PRKDC: variants seen among roughly 807,000 people sequenced by gnomAD.
The protein encoded by PRKDC is DNA-dependent protein kinase catalytic subunit.
PRKDC carries 82 observed loss-of-function variants against 486.9 expected under a neutral mutation model. The ratio of observed to expected loss-of-function variants is 0.17; its 90% confidence interval spans 0.14 to 0.20. The LOEUF (loss-of-function observed/expected upper bound fraction) is 0.20, where lower values mean the gene tolerates loss of function less well. Ranked by LOEUF, PRKDC falls within the 10% of genes least tolerant of loss-of-function variation. The pLI is 1.00. For missense variants in PRKDC, 4,504 were observed against 5,038.2 expected, an observed-to-expected ratio of 0.89 and a Z score of 3.21; for synonymous variants, 1,895 against 1,837.0, an observed-to-expected ratio of 1.03 and a Z score of -0.81.
intron 25 of PRKDC, among the ~76,000 whole-genome samples, chr8:47,911,722 A>G (rs1364762564): frequency 6.6e-6 from 1 of 152,132 alleles, no homozygotes; most frequent in East Asian, 1.9e-4. Context: ...ATTTGTCCAT[A>G]AAGTCATAGT....
chr8:47,863,013 A>T (rs1411178544), intron 42 of PRKDC, among the ~76,000 whole-genome samples: 1 of 152,240 alleles, frequency 6.6e-6, no homozygotes, highest in East Asian at 1.9e-4. Context: ...TTACTTTTGT[A>T]TTGTTTAGAA....
At chr8:47,918,116 C>T (rs751551876) in intron 22 of PRKDC, among the ~76,000 whole-genome samples, 161 bp downstream of exon 22, 14 of 152,146 alleles carry the variant, frequency 9.2e-5, no homozygotes, top group Non-Finnish European at 1.9e-4. Context: ...TACAGGTGTG[C>T]GCCACCATGC....
rs530842546 is a variant in PRKDC, at chr8:47,887,644, G to A, written c.4475C>T (p.Ala1492Val). ...ELLSLVYKGI[A>V]PGDERQCLPS... ...CAGACACTGTCTCTCATCTCCAGGG[G>A]CAATGCCTTTATAAACCAGGGAAAG... The change falls in exon 35 of 86, where the codon GCC (alanine) becomes GTC (valine). Residue 1492 changes from alanine (A) to valine (V), a missense_variant. Around this residue, in one of 6 missense-constraint regions of PRKDC, gnomAD observed 1,969 missense variants for 2,068.9 expected, o/e 0.95. Coordinates refer to ENST00000314191, the MANE Select transcript of PRKDC (RefSeq NM_006904.7). The A allele has an allele frequency of 6.2e-7, 1 of 1,608,654 alleles. No homozygotes were observed. Among genetic ancestry groups the A allele is most frequent in the Non-Finnish European group, 8.5e-7 (1 of 1,177,574 alleles).
intron 11 of PRKDC, among the ~76,000 whole-genome samples, chr8:47,938,025 G>T (rs889075943): frequency 6.6e-6 from 1 of 152,146 alleles, no homozygotes; most frequent in Non-Finnish European, 1.5e-5. Flanking sequence ...TAAGGCAGCA[G>T]GATTGCTTAG....
rs377185618 is a variant in PRKDC at position 47,776,799 on chromosome 8, G to C, written c.12182+45C>G. Reference sequence around the variant, plus strand: ...TATGTTGGCTCCTCGAGAAACAGTAGCATGTCGGTAGTCCGTTAGTTTTTT... The same window carrying C: ...TATGTTGGCTCCTCGAGAAACAGTACCATGTCGGTAGTCCGTTAGTTTTTT... On this transcript the variant is annotated intron_variant, in intron 85 of 85. Coordinates refer to ENST00000314191, the MANE Select transcript of PRKDC (RefSeq NM_006904.7). 2.5e-6 allele frequency: 4 copies of C among 1,606,674 alleles called. No homozygotes were observed. The African/African-American group carries it at 5.4e-5, about 22-fold the overall frequency.
chr8:47,805,757 G>A (rs888582492), intron 69 of PRKDC, among the ~76,000 whole-genome samples: 7 of 152,042 alleles, frequency 4.6e-5, no homozygotes, highest in Admixed American at 6.6e-5. Flanking sequence ...CCTAATTACT[G>A]CCATTTCAAC....
At chr8:47,891,276 G>C (rs1171115028) in intron 31 of PRKDC, among the ~76,000 whole-genome samples, 1 of 152,156 alleles carries the variant, frequency 6.6e-6, no homozygotes, top group Admixed American at 6.5e-5. Context: ...CAATTGAGTA[G>C]GAAAGCCTTT....
chr8:47,942,359 G>A (rs894945921), intron 10 of PRKDC, among the ~76,000 whole-genome samples: 1 of 152,206 alleles, frequency 6.6e-6, no homozygotes, highest in African/African-American at 2.4e-5. Flanking sequence ...GGAGACTAAG[G>A]AGGCGAGAGG....
chr8:47,930,600 G>A, intron 17 of PRKDC, 72 bp downstream of exon 17: 3 of 1,417,460 alleles, frequency 2.1e-6, no homozygotes, highest in Non-Finnish European at 2.9e-6. Flanking sequence ...ATCTATATAA[G>A]GAATTTCCTA....
rs763433546 is a variant in PRKDC, at chr8:47,776,887, C to A, written c.12139G>T (p.Ala4047Ser). The change falls in exon 85 of 86, where the codon GCT becomes TCT. Residue 4047 changes from alanine to serine, a missense_variant. Ala to Ser is a moderately conservative substitution (Grantham distance 99). This residue lies in a region of PRKDC where 706 missense variants were observed against 945.0 expected (regional missense o/e 0.75). Coordinates refer to ENST00000314191, the MANE Select transcript of PRKDC (RefSeq NM_006904.7). ...NWYPRQKICYAKRKLAGANPA... is the reference protein window; with the variant it reads ...NWYPRQKICYSKRKLAGANPA... The stretch of plus-strand genomic sequence containing the variant: ...TTGGCACCTGCTAACTTTCTCTTAG[C>A]GTAACATATTTTCTGTCGGGGGTAC... 4.3e-6 allele frequency: 7 copies of A among 1,613,868 alleles called. No individual in the cohort carries two copies. In the East Asian group the frequency reaches 1.6e-4, roughly 36 times the overall value.
intron 84 of PRKDC, 111 bp downstream of exon 84, chr8:47,777,575 A>G: frequency 8.7e-7 from 1 of 1,150,490 alleles, no homozygotes; most frequent in Non-Finnish European, 1.2e-6. Context: ...AAAATAATGT[A>G]AATATTTTCA....
intron 6 of PRKDC, 22 bp from the exon 7 acceptor site, chr8:47,953,741 G>A (rs367609590): frequency 1.9e-6 from 3 of 1,597,442 alleles, no homozygotes; most frequent in Admixed American, 1.7e-5. Flanking sequence ...GATTTAAGAA[G>A]ATGTCATTAC....
chr8:47,788,758 G>T, intron 76 of PRKDC, 148 bp downstream of exon 76: 1 of 821,678 alleles, frequency 1.2e-6, no homozygotes, highest in Non-Finnish European at 1.7e-6. Context: ...CAGAAAGCAT[G>T]AGACCTAAAG....
At chr8:47,916,446 A>AC (rs1429034662) in intron 22 of PRKDC, among the ~76,000 whole-genome samples, 1 of 152,130 alleles carries the variant, frequency 6.6e-6, no homozygotes, top group African/African-American at 2.4e-5. Context: ...AAAAAAAAAA[A>AC]AATCTTTAAG....
At chr8:47,820,635 A>G in intron 66 of PRKDC, 84 bp downstream of exon 66, 1 of 833,960 alleles carries the variant, frequency 1.2e-6, no homozygotes, top group Non-Finnish European at 1.6e-6. Context: ...TATCCTAAAA[A>G]TAGTATATTT....
intron 68 of PRKDC, among the ~76,000 whole-genome samples, chr8:47,809,543 T>C (rs551742715): frequency 6.6e-6 from 1 of 151,760 alleles, no homozygotes; most frequent in South Asian, 2.1e-4. Flanking sequence ...ATTTTAGGAG[T>C]GGAGTTGACA....
At chr8:47,879,990 C>T (rs929047869) in intron 38 of PRKDC, among the ~76,000 whole-genome samples, 4 of 151,970 alleles carry the variant, frequency 2.6e-5, no homozygotes, top group African/African-American at 4.8e-5. Flanking sequence ...GGATTACAGG[C>T]GCCTGCCACT....
rs757868901 is a variant in PRKDC at position 47,798,373 on chromosome 8, G to A, written c.10322C>T (p.Ala3441Val). The change falls in exon 73 of 86, where the codon GCG becomes GTG. Residue 3441 changes from alanine (A) to valine (V), a missense_variant. Coordinates refer to ENST00000314191, the MANE Select transcript of PRKDC (RefSeq NM_006904.7). ...ASVIDSAELQ[A>V]YPALVVEKML... Reference sequence around the variant, plus strand: ...TTTCTCCACCACAAGTGCTGGATACGCCTGCAGTTCTGCAGAATCAATAAC... The same window carrying A: ...TTTCTCCACCACAAGTGCTGGATACACCTGCAGTTCTGCAGAATCAATAAC... The A allele has an allele frequency of 7.0e-5, 113 of 1,607,316 alleles. No individual in the cohort carries two copies. The South Asian group carries it at 1.1e-3, about 16-fold the overall frequency.
chr8:47,941,147 A>G (rs1202302886), intron 10 of PRKDC, among the ~76,000 whole-genome samples: 2 of 151,596 alleles, frequency 1.3e-5, no homozygotes, highest in African/African-American at 4.8e-5. Context: ...AAAAAAAACC[A>G]AAAAAACAGC....
Sources: gnomAD v4.1 joint callset for allele counts (sites outside exome capture counted in the v4.1 genomes callset) on GRCh38, gnomAD v4.1.1 for gene constraint, gnomAD v4.1.1 regional missense constraint, MANE v1.5 for transcripts, NCBI Gene and HGNC (gene_info 2026-07-23, HGNC 2026-07-21) for gene names.